Variants in UGGT2 observed in about 807,000 individuals in gnomAD.
UGGT2 encodes UDP-glucose:glycoprotein glucosyltransferase 2.
Under a neutral mutation model 192.1 loss-of-function variants are expected in UGGT2, and 180 were observed. That is an observed-to-expected ratio of 0.94 (90% CI 0.83 to 1.06). The LOEUF is 1.06. Ranked by LOEUF, UGGT2 falls within the 50% of genes least tolerant of loss-of-function variation. The pLI, the probability that UGGT2 is intolerant of heterozygous loss-of-function variation, is 0.00. For missense variants in UGGT2, 1,849 were observed against 1,795.7 expected, an observed-to-expected ratio of 1.03 and a Z score of -0.54; for synonymous variants, 580 against 591.0, an observed-to-expected ratio of 0.98 and a Z score of 0.27.
intron 34 of UGGT2, 149 bp from the exon 35 acceptor site, chr13:95,854,624 A>G: frequency 1.5e-6 from 1 of 647,638 alleles, no homozygotes; most frequent in Non-Finnish European, 2.3e-6. Flanking sequence ...AATTTACTGA[A>G]TTTAACATTT....
intron 32 of UGGT2, among the ~76,000 whole-genome samples, chr13:95,860,547 TAAAC>T (rs1209817980): frequency 6.7e-6 from 1 of 150,074 alleles, no homozygotes; most frequent in Non-Finnish European, 1.5e-5. Flanking sequence ...TAAAAGGACT[TAAAC>T]AACTGAAATA....
chr13:95,869,984 T>C (rs983562093), intron 29 of UGGT2, among the ~76,000 whole-genome samples: 3 of 152,188 alleles, frequency 2.0e-5, no homozygotes, highest in African/African-American at 2.4e-5. Flanking sequence ...AGAGAAGAAA[T>C]GTAAATCAGA....
At chr13:95,993,072 T>C (rs145833055) in intron 7 of UGGT2, among the ~76,000 whole-genome samples, 1 of 152,266 alleles carries the variant, frequency 6.6e-6, no homozygotes, top group East Asian at 1.9e-4. Context: ...TATACCACCA[T>C]GGAAAATCCT....
chr13:96,044,482 A>G (rs2053250930), intron 1 of UGGT2, among the ~76,000 whole-genome samples: 1 of 152,180 alleles, frequency 6.6e-6, no homozygotes, highest in Non-Finnish European at 1.5e-5. Flanking sequence ...CAATCCCAGT[A>G]GAAGTGAAAT....
chr13:95,945,068 T>A (rs1158124931), intron 15 of UGGT2, among the ~76,000 whole-genome samples: 1 of 152,020 alleles, frequency 6.6e-6, no homozygotes, highest in African/African-American at 2.4e-5. Flanking sequence ...GTGTATAACT[T>A]TCTGTCTTTT....
At chr13:95,991,203 T>C (rs1168397789) in intron 7 of UGGT2, 9 of 233,964 alleles carry the variant, frequency 3.8e-5, no homozygotes, top group Admixed American at 1.9e-4. Context: ...TGTGTCTTTA[T>C]AGTAGAATGA....
chr13:96,042,842 A>C (rs1323077562), intron 1 of UGGT2, among the ~76,000 whole-genome samples: 4 of 152,092 alleles, frequency 2.6e-5, no homozygotes, highest in Admixed American at 6.5e-5. Flanking sequence ...ATATGAACAA[A>C]GCCTCCAAGA....
At chr13:95,862,390 T>C (rs1890242078) in intron 31 of UGGT2, among the ~76,000 whole-genome samples, 1 of 152,214 alleles carries the variant, frequency 6.6e-6, no homozygotes, top group Non-Finnish European at 1.5e-5. Flanking sequence ...ATCTCTAAAA[T>C]GGACATTCAA....
intron 10 of UGGT2, among the ~76,000 whole-genome samples, chr13:95,975,036 G>A (rs980858133): frequency 6.6e-6 from 1 of 152,070 alleles, no homozygotes; most frequent in African/African-American, 2.4e-5. Context: ...AGCTGAGATC[G>A]CACCACTGCA....
intron 17 of UGGT2, among the ~76,000 whole-genome samples, chr13:95,931,739 CCTG>C (rs2049281583): frequency 6.6e-6 from 1 of 152,150 alleles, no homozygotes; most frequent in African/African-American, 2.4e-5. Flanking sequence ...GAGTGCAGGG[CCTG>C]CTGAGCCCAC....
chr13:95,853,066 A>T (rs918435641), intron 36 of UGGT2, among the ~76,000 whole-genome samples: 1 of 151,866 alleles, frequency 6.6e-6, no homozygotes, highest in Non-Finnish European at 1.5e-5. Context: ...TTCTCATGAG[A>T]TCTGATGGTT....
chr13:95,843,861 T>C (rs1888120038), intron 36 of UGGT2, among the ~76,000 whole-genome samples: 1 of 152,212 alleles, frequency 6.6e-6, no homozygotes, highest in Non-Finnish European at 1.5e-5. Flanking sequence ...CTATTTTGAC[T>C]ACAGTAGCTA....
At chr13:96,021,224 G>C (rs1736546960) in intron 4 of UGGT2, among the ~76,000 whole-genome samples, 1 of 152,148 alleles carries the variant, frequency 6.6e-6, no homozygotes, top group South Asian at 2.1e-4. Context: ...TTTTTTGCTG[G>C]TCAGACCAAG....
rs2052730818 is a variant in UGGT2 at position 96,028,425 on chromosome 13, A to G, written c.241+3464T>C. 2.6e-5 allele frequency among the ~76,000 whole-genome samples: 4 copies of G among 152,374 alleles called. No homozygotes were observed. In the South Asian group the frequency reaches 8.3e-4, roughly 32 times the overall value. On this transcript the variant is annotated intron_variant, in intron 2 of 38. Coordinates refer to ENST00000376747, the MANE Select transcript of UGGT2 (RefSeq NM_020121.4). Reference sequence around the variant, plus strand: ...TTGAAAATGACATTCTTATATGCTGAGCAGCATGTGAAGAAGTAAAAATAA... The same window carrying G: ...TTGAAAATGACATTCTTATATGCTGGGCAGCATGTGAAGAAGTAAAAATAA...
intron 20 of UGGT2, among the ~76,000 whole-genome samples, chr13:95,916,828 A>G (rs2048695645): frequency 2.0e-5 from 3 of 152,194 alleles, no homozygotes; most frequent in South Asian, 2.1e-4. Flanking sequence ...TCTTGCTGAA[A>G]TAAGGCAGGT....
At chr13:95,833,574 C>A (rs1886959016) in intron 37 of UGGT2, among the ~76,000 whole-genome samples, 1 of 152,144 alleles carries the variant, frequency 6.6e-6, no homozygotes, top group South Asian at 2.1e-4. Context: ...CATCAATACA[C>A]AATCAGTTTA....
chr13:95,877,591 C>A (rs2140163544), intron 28 of UGGT2, 107 bp downstream of exon 28: 1 of 1,319,770 alleles, frequency 7.6e-7, no homozygotes, highest in Admixed American at 2.9e-5. Context: ...TTGTTTTCTG[C>A]AAACTGTTCA....
intron 38 of UGGT2, among the ~76,000 whole-genome samples, chr13:95,821,921 A>T (rs529562718): frequency 1.3e-5 from 2 of 152,208 alleles, no homozygotes; most frequent in Admixed American, 6.5e-5. Context: ...ATTGGTCTAC[A>T]TGCCTATTTT....
At chr13:95,889,814 G>A (rs1051057966) in intron 25 of UGGT2, among the ~76,000 whole-genome samples, 3 of 152,178 alleles carry the variant, frequency 2.0e-5, no homozygotes, top group Admixed American at 1.3e-4. Flanking sequence ...GTCATTCAGT[G>A]TAGCCAGCCT....
Sources: allele counts gnomAD v4.1 joint callset (sites outside exome capture counted in the v4.1 genomes callset), GRCh38; gene constraint gnomAD v4.1.1; transcripts MANE v1.5; gene names NCBI Gene and HGNC (gene_info 2026-07-23, HGNC 2026-07-21).